Variants in AFF4 observed in about 807,000 individuals in gnomAD.
The protein encoded by AFF4 is ALF transcription elongation factor 4, also known as AF4/FMR2 family member 4.
In AFF4, 13 loss-of-function variants were observed where a neutral mutation model predicts 124.8. That is an observed-to-expected ratio of 0.10 (90% CI 0.07 to 0.17). AFF4 has a LOEUF of 0.17. AFF4 is among the 10% of genes least tolerant of loss of function. AFF4 has a pLI of 1.00. For missense variants in AFF4, 1,092 were observed against 1,403.8 expected (o/e 0.78, Z 3.55); for synonymous variants, 477 against 496.1 (o/e 0.96, Z 0.51).
intron 7 of AFF4, 52 bp downstream of exon 7, chr5:132,902,390 G>T: frequency 7.0e-7 from 1 of 1,430,264 alleles, no homozygotes; most frequent in Non-Finnish European, 9.9e-7. Context: ...GATATTACAG[G>T]TAACTTTTAG....
At chr5:132,947,964 G>A (rs1761739967) in intron 1 of AFF4, among the ~76,000 whole-genome samples, 1 of 152,074 alleles carries the variant, frequency 6.6e-6, no homozygotes, top group African/African-American at 2.4e-5. Context: ...ACACATTTTT[G>A]CTTTCTTCAT....
chr5:132,902,779 A>C (rs1427661203), intron 6 of AFF4, among the ~76,000 whole-genome samples: 1 of 152,194 alleles, frequency 6.6e-6, no homozygotes, highest in Non-Finnish European at 1.5e-5. Context: ...AATAATTCCA[A>C]TGAAAGGAAT....
intron 1 of AFF4, among the ~76,000 whole-genome samples, chr5:132,953,658 G>A (rs1326445239): frequency 6.6e-6 from 1 of 152,058 alleles, no homozygotes; most frequent in Non-Finnish European, 1.5e-5. Context: ...TAATAGTAAT[G>A]CATCCAGCCA....
chr5:132,899,156 T>C lies in AFF4; in HGVS notation c.1189-15A>G. On this transcript the variant is annotated splice_polypyrimidine_tract_variant and intron_variant, in intron 8 of 20. Coordinates refer to ENST00000265343, the MANE Select transcript of AFF4 (RefSeq NM_014423.4). ...TTATCACAATCCTAAAATTAAAACA[T>C]AAGAAAGAATCTGTGAATGAATAAA... is the stretch of plus-strand genomic sequence containing the variant. 1 of 1,609,876 alleles carries C rather than the reference T, an allele frequency of 6.2e-7. No individual in the cohort carries two copies. Among genetic ancestry groups the C allele is most frequent in the Non-Finnish European group, 8.5e-7 (1 of 1,176,536 alleles).
intron 1 of AFF4, 102 bp downstream of exon 1, chr5:132,963,157 C>G (rs1172949256): frequency 2.7e-6 from 1 of 369,630 alleles, no homozygotes; most frequent in East Asian, 3.9e-5. Flanking sequence ...AGGGTCTCCC[C>G]GAGGCTCCCC....
intron 11 of AFF4, among the ~76,000 whole-genome samples, chr5:132,894,097 T>C (rs1760329102): frequency 6.6e-6 from 1 of 152,214 alleles, no homozygotes; most frequent in Admixed American, 6.5e-5. Context: ...ATTTGGGTTG[T>C]CTCCACTTTT....
At chr5:132,938,488 C>T (rs947512856) in intron 1 of AFF4, among the ~76,000 whole-genome samples, 2 of 151,770 alleles carry the variant, frequency 1.3e-5, no homozygotes. Context: ...CCAGGCTGGA[C>T]TCCTGACCTC....
At chr5:132,936,042 C>T (rs1451139063) in intron 2 of AFF4, among the ~76,000 whole-genome samples, 1 of 151,516 alleles carries the variant, frequency 6.6e-6, no homozygotes, top group African/African-American at 2.4e-5. Context: ...CTGAGGCGGG[C>T]GGATCATGAG....
In AFF4 at chr5:132,875,420, T is replaced by C; in HGVS notation, c.*5639A>G. 5.6e-6 allele frequency: 1 copy of C among 179,536 alleles called. No individual in the cohort carries two copies. Among genetic ancestry groups the C allele is most frequent in the Non-Finnish European group, 1.2e-5 (1 of 83,390 alleles). 11.1% of individuals were successfully genotyped at this position (179,536 alleles called of 1,614,324 possible). Reference sequence around the variant, plus strand: ...TTTAATACAGAAAATCTATTTGATATTTATTAAACTTAGTTTCTCCAACTA... The same window carrying C: ...TTTAATACAGAAAATCTATTTGATACTTATTAAACTTAGTTTCTCCAACTA... On this transcript the variant is annotated 3_prime_UTR_variant, in exon 21 of 21. Transcript: ENST00000265343.
At chr5:132,939,898 G>A (rs1043446266) in intron 1 of AFF4, among the ~76,000 whole-genome samples, 7 of 152,148 alleles carry the variant, frequency 4.6e-5, no homozygotes, top group Admixed American at 6.5e-5. Flanking sequence ...ACAGGCATGA[G>A]CCTGAACTTT....
At chr5:132,887,685 C>T in intron 16 of AFF4, 93 bp from the exon 17 acceptor site, 1 of 1,528,766 alleles carries the variant, frequency 6.5e-7, no homozygotes, top group Middle Eastern at 1.7e-4. Flanking sequence ...AATTTCAAAC[C>T]TAAATAAAAG....
intron 1 of AFF4, among the ~76,000 whole-genome samples, chr5:132,941,177 T>TA (rs1043821581): frequency 1.3e-5 from 2 of 152,146 alleles, no homozygotes; most frequent in African/African-American, 4.8e-5. Context: ...TAAGATGAAA[T>TA]AAGTTTTCTC....
chr5:132,923,489 G>T (rs1383092003), intron 5 of AFF4, among the ~76,000 whole-genome samples: 1 of 152,168 alleles, frequency 6.6e-6, no homozygotes, highest in Admixed American at 6.5e-5. Context: ...AGTAGCTTGT[G>T]CTTGGGACAC....
chr5:132,907,472 AATGTCAATAATT>A (rs1232129253), intron 5 of AFF4, among the ~76,000 whole-genome samples: 1 of 152,210 alleles, frequency 6.6e-6, no homozygotes, highest in Non-Finnish European at 1.5e-5. Flanking sequence ...CACCTATTTG[AATGTCAATAATT>A]ACTACCTTTG....
At chr5:132,902,306 C>G (rs143475149) in intron 7 of AFF4, 136 bp downstream of exon 7, 1 of 650,740 alleles carries the variant, frequency 1.5e-6, no homozygotes, top group African/African-American at 1.8e-5. Context: ...CCTTGGCCTC[C>G]CAAAGTGCTA....
intron 5 of AFF4, chr5:132,926,918 T>C: frequency 2.0e-6 from 1 of 495,380 alleles, no homozygotes; most frequent in Non-Finnish European, 3.6e-6. Context: ...TTAATACCTC[T>C]TGATCCAAGA....
chr5:132,926,960 T>G (rs923325066), intron 5 of AFF4, 161 bp downstream of exon 5: 6 of 592,628 alleles, frequency 1.0e-5, no homozygotes, highest in Non-Finnish European at 1.8e-5. Context: ...GCTAATTATC[T>G]TCATAACAGT....
At position 132,934,234 on chromosome 5, in the gene AFF4, G is replaced by A; in HGVS notation, c.831C>T (p.Ser277=). The A allele has an allele frequency of 6.2e-7, 1 of 1,614,142 alleles. No individual in the cohort carries two copies. Among genetic ancestry groups the A allele is most frequent in the Non-Finnish European group, 8.5e-7 (1 of 1,180,028 alleles). ...CAGTCATGCTGTTGCCATGGGATTGGCTGCTGTAGTGCTCAGAGGACAGCT... is the reference window on the plus strand; with the variant it reads ...CAGTCATGCTGTTGCCATGGGATTGACTGCTGTAGTGCTCAGAGGACAGCT... The part of the protein sequence containing the change: ...EPKLSSEHYS[S]QSHGNSMTEL... Residue 277 remains serine, a synonymous_variant, in exon 3 of 21, where the codon AGC becomes AGT. Coordinates refer to ENST00000265343, the MANE Select transcript of AFF4 (RefSeq NM_014423.4).
At chr5:132,886,462 A>G (rs993452097) in intron 17 of AFF4, 59 bp from the exon 18 acceptor site, 3 of 1,501,256 alleles carry the variant, frequency 2.0e-6, no homozygotes, top group Non-Finnish European at 2.8e-6. Context: ...CCAGATTTGC[A>G]CAGACAGCCT....
Sources: gnomAD v4.1 joint callset for allele counts (sites outside exome capture counted in the v4.1 genomes callset) on GRCh38, gnomAD v4.1.1 for gene constraint, MANE v1.5 for transcripts, NCBI Gene and HGNC (gene_info 2026-07-23, HGNC 2026-07-21) for gene names.